The following DLGAP2 variants were observed in gnomAD, a reference collection of about 807,000 sequenced individuals.
DLGAP2 encodes the protein DLG associated protein 2.
In DLGAP2, 26 loss-of-function variants were observed where a neutral mutation model predicts 100.3. The ratio of observed to expected loss-of-function variants is 0.26; its 90% CI spans 0.19 to 0.36. The LOEUF is 0.36. Ranked by LOEUF, DLGAP2 falls within the 10% of genes least tolerant of loss-of-function variation. The probability of loss-of-function intolerance (pLI) is 1.00; values close to 1 mark genes in which losing one functional copy is unlikely to be tolerated. For missense variants in DLGAP2, 1,858 were observed against 1,453.2 expected (o/e 1.28, Z -4.53); for synonymous variants, 886 against 630.1 (o/e 1.41, Z -6.08).
intron 2 of DLGAP2, among the ~76,000 whole-genome samples, chr8:1,253,492 C>T (rs1345703827): frequency 1.3e-5 from 2 of 152,360 alleles, no homozygotes; most frequent in East Asian, 1.9e-4. Context: ...TGTAGAGTAG[C>T]CTCCATAGAT....
chr8:1,192,716 C>T (rs1182666829), intron 2 of DLGAP2, among the ~76,000 whole-genome samples: 3 of 150,828 alleles, frequency 2.0e-5, no homozygotes, highest in African/African-American at 7.3e-5. Flanking sequence ...TACGTGTGCA[C>T]AATGTGCAGG....
intron 2 of DLGAP2, among the ~76,000 whole-genome samples, chr8:1,099,925 C>G (rs2129043467): frequency 6.6e-6 from 1 of 152,306 alleles, no homozygotes; most frequent in African/African-American, 2.4e-5. Context: ...AGTAGGCCCC[C>G]TTCTCCAGGG....
At chr8:829,259 C>T (rs1030865555) in intron 1 of DLGAP2, among the ~76,000 whole-genome samples, 1 of 152,176 alleles carries the variant, frequency 6.6e-6, no homozygotes, top group African/African-American at 2.4e-5. Context: ...CAATATTTGC[C>T]TGGCTGTTGG....
rs74739201 is a variant in DLGAP2, at chr8:1,189,831, A to G, written c.74-69020A>G. ...CAGGAGGGGTCCCCCTGAGGGCAAGAAGGGGCTGCTCCAGCAGGCAGGAGG... is the reference window on the plus strand; with the variant it reads ...CAGGAGGGGTCCCCCTGAGGGCAAGGAGGGGCTGCTCCAGCAGGCAGGAGG... On this transcript the variant is annotated intron_variant, in intron 2 of 14. Transcript: ENST00000637795. Among the ~76,000 whole-genome samples the G allele has an allele frequency of 4.2e-3, 646 of 152,268 alleles. 2 individuals carry two copies. The highest frequency in any genetic ancestry group is 0.015 in the African/African-American group (623 of 41,544).
intron 2 of DLGAP2, among the ~76,000 whole-genome samples, chr8:1,006,953 G>A (rs1194961202): frequency 1.4e-3 from 198 of 137,390 alleles, no homozygotes; most frequent in Middle Eastern, 4.9e-3. Flanking sequence ...CCTTTATCAC[G>A]TCGGGGACAC....
At chr8:1,468,041 G>A (rs757585) in intron 3 of DLGAP2, among the ~76,000 whole-genome samples, 76,993 of 152,116 alleles carry the variant, frequency 0.51, 19,554 homozygotes, top group Middle Eastern at 0.65. Flanking sequence ...AAGTGGGGGC[G>A]CTGTGGCTTG....
intron 4 of DLGAP2, among the ~76,000 whole-genome samples, chr8:1,529,058 T>C (rs1474240707): frequency 7.1e-6 from 1 of 140,526 alleles, no homozygotes; most frequent in Admixed American, 7.6e-5. Context: ...TACTGCTTTA[T>C]ATAAAGAGCT....
At chr8:1,068,777 A>G (rs1216394298) in intron 2 of DLGAP2, among the ~76,000 whole-genome samples, 1 of 149,988 alleles carries the variant, frequency 6.7e-6, no homozygotes, top group Non-Finnish European at 1.5e-5. Context: ...CCCCTCCCCA[A>G]GTGCTTTCCT....
intron 1 of DLGAP2, among the ~76,000 whole-genome samples, chr8:754,599 A>G (rs1486407108): frequency 2.6e-5 from 4 of 152,310 alleles, no homozygotes; most frequent in East Asian, 1.9e-4. Flanking sequence ...TACACCTGCA[A>G]TCCCAGTGCT....
At chr8:987,502 G>GC (rs1229469778) in intron 2 of DLGAP2, among the ~76,000 whole-genome samples, 1 of 152,116 alleles carries the variant, frequency 6.6e-6, no homozygotes, top group Non-Finnish European at 1.5e-5. Flanking sequence ...TCTGCCGGAC[G>GC]CCCCCACGAC....
intron 2 of DLGAP2, among the ~76,000 whole-genome samples, chr8:1,027,063 A>C (rs1045129958): frequency 1.3e-5 from 2 of 152,236 alleles, no homozygotes; most frequent in Non-Finnish European, 2.9e-5. Flanking sequence ...ATATGTGCCC[A>C]TAATGGCTGT....
intron 2 of DLGAP2, among the ~76,000 whole-genome samples, chr8:1,051,791 C>G (rs959178446): frequency 3.3e-5 from 5 of 152,110 alleles, no homozygotes; most frequent in African/African-American, 1.2e-4. Flanking sequence ...GCTCAGTCAC[C>G]TGCTGAGTCT....
chr8:1,551,928 G>A (rs1801781327), intron 5 of DLGAP2, among the ~76,000 whole-genome samples: 2 of 152,314 alleles, frequency 1.3e-5, no homozygotes, highest in South Asian at 4.1e-4. Flanking sequence ...GGCCCGCCTG[G>A]CAGCTGCTGA....
At chr8:1,486,363 A>C (rs887036819) in intron 3 of DLGAP2, among the ~76,000 whole-genome samples, 2 of 152,186 alleles carry the variant, frequency 1.3e-5, no homozygotes, top group African/African-American at 4.8e-5. Context: ...GAAGAATGTG[A>C]AATCTCGGCT....
At chr8:1,585,437 C>A (rs375037133) in intron 6 of DLGAP2, among the ~76,000 whole-genome samples, 2 of 152,148 alleles carry the variant, frequency 1.3e-5, no homozygotes, top group African/African-American at 2.4e-5. Flanking sequence ...GCACTCCAGC[C>A]TGGGCAAAAG....
At chr8:1,475,344 C>G (rs1464502593) in intron 3 of DLGAP2, among the ~76,000 whole-genome samples, 1 of 152,094 alleles carries the variant, frequency 6.6e-6, no homozygotes, top group South Asian at 2.1e-4. Context: ...GCCGGGGGAG[C>G]AGGTTTTAGC....
chr8:1,289,173 T>C (rs1486351424), intron 3 of DLGAP2, among the ~76,000 whole-genome samples: 2 of 152,198 alleles, frequency 1.3e-5, no homozygotes, highest in Admixed American at 1.3e-4. Flanking sequence ...TTTAGCTGTG[T>C]TTATGTCCTA....
chr8:1,261,647 G>A (rs1400882806), intron 3 of DLGAP2, among the ~76,000 whole-genome samples: 2 of 152,216 alleles, frequency 1.3e-5, no homozygotes, highest in Non-Finnish European at 2.9e-5. Flanking sequence ...AAGCCACCCC[G>A]TGTTTCAGAT....
chr8:1,359,479 G>C (rs1472390181), intron 3 of DLGAP2, among the ~76,000 whole-genome samples: 1 of 152,272 alleles, frequency 6.6e-6, no homozygotes, highest in Non-Finnish European at 1.5e-5. Flanking sequence ...GGGTGGTGCA[G>C]AGCTGCCACT....
Sources: gnomAD v4.1 joint callset for allele counts (sites outside exome capture counted in the v4.1 genomes callset) on GRCh38, gnomAD v4.1.1 for gene constraint, MANE v1.5 for transcripts, NCBI Gene and HGNC (gene_info 2026-07-23, HGNC 2026-07-21) for gene names.